Variants in ARMH3 observed in about 807,000 individuals in gnomAD.
ARMH3 encodes armadillo like helical domain containing 3.
ARMH3 carries 60 observed loss-of-function variants against 99.1 expected under a neutral mutation model. That is an observed-to-expected ratio of 0.61 (90% CI 0.49 to 0.75). ARMH3 has a LOEUF of 0.75. ARMH3 is among the 30% of genes least tolerant of loss of function. The pLI is 0.00. For missense variants in ARMH3, 679 were observed against 843.1 expected (o/e 0.81, Z 2.41); for synonymous variants, 285 against 292.8 (o/e 0.97, Z 0.27).
chr10:102,023,391 T>C, intron 8 of ARMH3, 86 bp downstream of exon 8: 1 of 1,234,430 alleles, frequency 8.1e-7, no homozygotes, highest in Non-Finnish European at 1.2e-6. Context: ...AAGAACGTCT[T>C]CTACATTAAG....
chr10:102,031,796 G>A (rs1436941780), intron 4 of ARMH3, among the ~76,000 whole-genome samples: 1 of 152,108 alleles, frequency 6.6e-6, no homozygotes, highest in East Asian at 1.9e-4. Context: ...CTGGAGTGCA[G>A]TGGCACCATG....
intron 2 of ARMH3, among the ~76,000 whole-genome samples, chr10:102,036,162 G>C (rs1258440023): frequency 1.5e-5 from 1 of 65,842 alleles, no homozygotes; most frequent in Admixed American, 1.6e-4. Context: ...GGAGGGAGGT[G>C]GGGGGTCAGC....
At chr10:101,861,923 G>A (rs542122043) in intron 24 of ARMH3, among the ~76,000 whole-genome samples, 14 of 147,794 alleles carry the variant, frequency 9.5e-5, no homozygotes, top group African/African-American at 3.2e-4. Context: ...GGTGGTGGGC[G>A]CCTGTAGTCC....
intron 19 of ARMH3, among the ~76,000 whole-genome samples, chr10:101,977,285 G>T (rs548597744): frequency 2.0e-5 from 3 of 152,056 alleles, no homozygotes; most frequent in Admixed American, 6.5e-5. Context: ...TAAGATAAAT[G>T]ATATTTTTAA....
At chr10:101,893,752 G>C (rs1045309188) in intron 23 of ARMH3, among the ~76,000 whole-genome samples, 1 of 152,052 alleles carries the variant, frequency 6.6e-6, no homozygotes, top group African/African-American at 2.4e-5. Flanking sequence ...GGCAGGGAGG[G>C]AGGGAGTGAG....
chr10:101,893,992 C>T (rs2135463894), intron 23 of ARMH3, among the ~76,000 whole-genome samples: 1 of 152,288 alleles, frequency 6.6e-6, no homozygotes, highest in South Asian at 2.1e-4. Context: ...TGCCCTGTGA[C>T]AATCTCATCT....
intron 1 of ARMH3, among the ~76,000 whole-genome samples, chr10:102,054,871 C>T (rs1429233035): frequency 6.6e-6 from 1 of 151,814 alleles, no homozygotes; most frequent in Non-Finnish European, 1.5e-5. Flanking sequence ...TAGCTCACGT[C>T]TGTAATCCCA....
chr10:101,903,742 A>G (rs1456347473), intron 23 of ARMH3, among the ~76,000 whole-genome samples: 1 of 152,210 alleles, frequency 6.6e-6, no homozygotes, highest in African/African-American at 2.4e-5. Flanking sequence ...AACTAAAGAT[A>G]AAAGTTATAG....
At chr10:101,863,102 C>G (rs2066912055) in intron 24 of ARMH3, among the ~76,000 whole-genome samples, 1 of 152,184 alleles carries the variant, frequency 6.6e-6, no homozygotes, top group African/African-American at 2.4e-5. Flanking sequence ...ACTCGGGAGG[C>G]TGAGGCAGGA....
At chr10:101,923,717 A>T (rs1420413826) in intron 23 of ARMH3, among the ~76,000 whole-genome samples, 3 of 152,138 alleles carry the variant, frequency 2.0e-5, no homozygotes, top group African/African-American at 7.2e-5. Context: ...CTACAATCTT[A>T]TTTTATTTTT....
chr10:102,032,677 G>A (rs1020959669), intron 4 of ARMH3, among the ~76,000 whole-genome samples: 1 of 152,150 alleles, frequency 6.6e-6, no homozygotes, highest in East Asian at 1.9e-4. Context: ...TAGGATTACA[G>A]GCGTGAACCA....
chr10:102,018,110 A>C (rs1390575326), intron 8 of ARMH3, among the ~76,000 whole-genome samples: 3 of 152,200 alleles, frequency 2.0e-5, no homozygotes, highest in Non-Finnish European at 4.4e-5. Context: ...TGGGTTCAGT[A>C]ATGTACTCCT....
chr10:101,873,492 A>G (rs2067186106), intron 24 of ARMH3, among the ~76,000 whole-genome samples: 1 of 152,176 alleles, frequency 6.6e-6, no homozygotes, highest in Non-Finnish European at 1.5e-5. Flanking sequence ...ATTGAGATAT[A>G]GTTTATATAT....
chr10:101,884,796 A>ACAAAC lies in ARMH3; in HGVS notation c.1860+4615_1860+4616insGTTTG, dbSNP rs146479882. Among the ~76,000 whole-genome samples, 245 of 151,716 alleles carry ACAAAC rather than the reference A, an allele frequency of 1.6e-3. 3 individuals carry two copies. The highest frequency in any genetic ancestry group is 1.6e-3 in the East Asian group (8 of 5,148). Reference sequence around the variant, plus strand: ...AAAACAAAACAAAACAAACAAACAAAAAAAAACAGGCAAATTGGACTTCAC... The same window carrying ACAAAC: ...AAAACAAAACAAAACAAACAAACAAACAAACAAAAAACAGGCAAATTGGACTTCAC... On this transcript the variant is annotated intron_variant, in intron 24 of 25. Transcript: ENST00000370033.
At chr10:101,972,986 C>A (rs1845836570) in intron 20 of ARMH3, among the ~76,000 whole-genome samples, 1 of 152,136 alleles carries the variant, frequency 6.6e-6, no homozygotes, top group African/African-American at 2.4e-5. Flanking sequence ...GAATGGCCTT[C>A]TTCTTCACCA....
At chr10:101,898,096 T>C (rs1184622865) in intron 23 of ARMH3, among the ~76,000 whole-genome samples, 3 of 152,062 alleles carry the variant, frequency 2.0e-5, no homozygotes, top group Admixed American at 2.0e-4. Flanking sequence ...AGAGAAAATG[T>C]GGACCAGGCA....
intron 1 of ARMH3, 48 bp downstream of exon 1, chr10:102,056,037 G>A (rs1175484887): frequency 6.6e-6 from 1 of 152,292 alleles, no homozygotes; most frequent in African/African-American, 2.4e-5. Flanking sequence ...GGACCCGCAG[G>A]GTTGGTCAGG....
At chr10:101,984,210 T>C (rs1375860949) in intron 19 of ARMH3, among the ~76,000 whole-genome samples, 1 of 152,314 alleles carries the variant, frequency 6.6e-6, no homozygotes, top group East Asian at 1.9e-4. Flanking sequence ...CCAAAATTGC[T>C]TACCAAGTGA....
At chr10:101,986,115 T>C (rs1846490266) in intron 19 of ARMH3, among the ~76,000 whole-genome samples, 1 of 152,112 alleles carries the variant, frequency 6.6e-6, no homozygotes. Context: ...TTAGTGCTTC[T>C]TGTGGGGCTT....
Sources: allele counts gnomAD v4.1 joint callset (sites outside exome capture counted in the v4.1 genomes callset), GRCh38; gene constraint gnomAD v4.1.1; transcripts MANE v1.5; gene names NCBI Gene and HGNC (gene_info 2026-07-23, HGNC 2026-07-21).